ZFYVE26: variants seen among roughly 807,000 people sequenced by gnomAD.
The protein encoded by ZFYVE26 is zinc finger FYVE-type containing 26.
In ZFYVE26, 181 loss-of-function variants were observed where a neutral mutation model predicts 276.5. The ratio of observed to expected loss-of-function variants is 0.65; its 90% CI spans 0.58 to 0.74. The LOEUF (loss-of-function observed/expected upper bound fraction) is 0.74. Among genes scored for constraint, ZFYVE26 ranks in the 30% least tolerant of loss-of-function variants. The probability of loss-of-function intolerance (pLI) is 0.00; values close to 1 mark genes in which losing one functional copy is unlikely to be tolerated. For synonymous variants in ZFYVE26, 1,129 were observed against 1,203.1 expected, an observed-to-expected ratio of 0.94 and a Z score of 1.27; for missense variants, 2,821 against 3,097.9, an observed-to-expected ratio of 0.91 and a Z score of 2.12.
At chr14:67,752,666 C>A in intron 39 of ZFYVE26, 140 bp from the exon 40 acceptor site, 4 of 962,158 alleles carry the variant, frequency 4.2e-6, no homozygotes, top group Admixed American at 4.1e-5. Context: ...ATAAATATAC[C>A]AAACAAAAAG....
chr14:67,749,876 G>C (rs905724673), intron 41 of ZFYVE26, among the ~76,000 whole-genome samples: 4 of 152,184 alleles, frequency 2.6e-5, no homozygotes, highest in Non-Finnish European at 4.4e-5. Flanking sequence ...AAGAGAAGAA[G>C]GGCATTTTGC....
intron 13 of ZFYVE26, 39 bp from the exon 14 acceptor site, chr14:67,793,798 G>C (rs770769590): frequency 1.9e-6 from 3 of 1,612,908 alleles, no homozygotes; most frequent in Admixed American, 3.3e-5. Flanking sequence ...AGAGAAGCAA[G>C]AGGAATTAAG....
At chr14:67,736,331 A>G (rs906496003) in intron 13 of ZFYVE26, among the ~76,000 whole-genome samples, 1 of 152,238 alleles carries the variant, frequency 6.6e-6, no homozygotes, top group African/African-American at 2.4e-5. Flanking sequence ...CGGCTATCAT[A>G]TTCTCATATA....
In ZFYVE26 at chr14:67,761,451, T is replaced by C; in HGVS notation, c.6503A>G (p.His2168Arg). 2 of 1,614,184 alleles carry C rather than the reference T, an allele frequency of 1.2e-6. No homozygotes were observed. Among genetic ancestry groups the C allele is most frequent in the Non-Finnish European group, 1.7e-6 (2 of 1,180,008 alleles). The change falls in exon 35 of 42, where the codon CAC (histidine) becomes CGC (arginine). Residue 2168 changes from histidine (H) to arginine (R), a missense_variant. Coordinates refer to ENST00000347230, the MANE Select transcript of ZFYVE26 (RefSeq NM_015346.4). ...TYYQECLFYL[H>R]NYSTNLAIIS... is the part of the protein sequence containing the mutation. ...GATGGCCAGGTTGGTGCTATAGTTG[T>C]GCAGGTAGAAGAGGCATTCCTGGTA...
At chr14:67,780,417 T>C (rs2039468758) in intron 22 of ZFYVE26, 72 bp from the exon 23 acceptor site, 1 of 1,345,818 alleles carries the variant, frequency 7.4e-7, no homozygotes. Flanking sequence ...ACTGGGCATG[T>C]CCACAGATGG....
rs778806874 is a variant in ZFYVE26 at position 67,794,198 on chromosome 14, T to C, written c.2374A>G (p.Ser792Gly). The stretch of plus-strand genomic sequence containing the variant: ...GACGTACTTGTGCTCAGCTCACTAC[T>C]TGTACTTTCCAGGGATGGGTTTGAA... The part of the protein sequence containing the change: ...RGSNPSLEST[S>G]SELSTSTSEG... Residue 792 changes from serine (S) to glycine (G), a missense_variant, in exon 13 of 42, where the codon AGT becomes GGT. Ser to Gly is a moderately conservative substitution (Grantham distance 56, BLOSUM62 0). Transcript: ENST00000347230. The C allele has an allele frequency of 6.2e-7, 1 of 1,614,232 alleles. No individual in the cohort carries two copies. Among genetic ancestry groups the C allele is most frequent in the Non-Finnish European group, 8.5e-7 (1 of 1,180,036 alleles).
chr14:67,790,786 AGGG>A lies in ZFYVE26; in HGVS notation c.2554-16_2554-14del, dbSNP rs745843519. 425 of 1,613,276 alleles carry A rather than the reference AGGG, an allele frequency of 2.6e-4. 1 individual carries two copies. The highest frequency in any genetic ancestry group is 9.0e-4 in the Admixed American group (54 of 59,990). On this transcript the variant is annotated splice_polypyrimidine_tract_variant and intron_variant, in intron 14 of 41. Coordinates refer to ENST00000347230, the MANE Select transcript of ZFYVE26 (RefSeq NM_015346.4). ...ACGTGAACAGCACCTGTCATAGGAG[AGGG>A]AGTGTGTGGGCCCTGGTGGTCCCAC... is the stretch of plus-strand genomic sequence containing the variant.
chr14:67,761,457 T>C lies in ZFYVE26; in HGVS notation c.6497A>G (p.Tyr2166Cys). ...CAGGTTGGTGCTATAGTTGTGCAGG[T>C]AGAAGAGGCATTCCTGGTAGTAGGT... Reference protein sequence around the residue: ...NNTYYQECLFYLHNYSTNLAI... With the variant: ...NNTYYQECLFCLHNYSTNLAI... Residue 2166 changes from tyrosine (Y) to cysteine (C), a missense_variant, in exon 35 of 42, where the codon TAC becomes TGC. Tyr to Cys is a radical substitution (Grantham distance 194). Coordinates refer to ENST00000347230, the MANE Select transcript of ZFYVE26 (RefSeq NM_015346.4). The C allele has an allele frequency of 6.2e-7, 1 of 1,614,184 alleles. No homozygotes were observed.
At chr14:67,801,036 T>C (rs1439363666) in intron 10 of ZFYVE26, among the ~76,000 whole-genome samples, 1 of 152,134 alleles carries the variant, frequency 6.6e-6, no homozygotes. Context: ...GTGCATCACC[T>C]GACGTCAGGA....
At chr14:67,814,213 C>T (rs934601880) in intron 2 of ZFYVE26, 149 bp from the exon 3 acceptor site, 17 of 718,508 alleles carry the variant, frequency 2.4e-5, no homozygotes, top group Middle Eastern at 7.5e-4. Flanking sequence ...ATGTATATGA[C>T]AGTTCAGTAA....
intron 3 of ZFYVE26, among the ~76,000 whole-genome samples, chr14:67,812,434 G>A (rs2040322371): frequency 6.6e-6 from 1 of 152,182 alleles, no homozygotes; most frequent in Middle Eastern, 3.2e-3. Flanking sequence ...GGCAAAAGGT[G>A]GGAACCTGGA....
intron 13 of ZFYVE26, among the ~76,000 whole-genome samples, chr14:67,741,163 C>T (rs1208220294): frequency 6.6e-6 from 1 of 152,190 alleles, no homozygotes; most frequent in African/African-American, 2.4e-5. Flanking sequence ...GAAGCAGAAG[C>T]ATAATCTGCA....
rs1178032342 is a variant in ZFYVE26 at position 67,781,543 on chromosome 14, A to G, written c.4373-14T>C. ...AACCTTCTTTGTCTATAAGACAAAAAAGATGCTCAGAGGCAGCAAGCGTGG... is the reference window on the plus strand; with the variant it reads ...AACCTTCTTTGTCTATAAGACAAAAGAGATGCTCAGAGGCAGCAAGCGTGG... On this transcript the variant is annotated splice_polypyrimidine_tract_variant and intron_variant, in intron 21 of 41. Coordinates refer to ENST00000347230, the MANE Select transcript of ZFYVE26 (RefSeq NM_015346.4). 7 of 1,613,700 alleles carry G rather than the reference A, an allele frequency of 4.3e-6. No homozygotes were observed. The Admixed American group carries it at 1.0e-4, about 23-fold the overall frequency.
In ZFYVE26 at chr14:67,790,693, TTGGATCACTTCCTGGTAGCGCTCCA is replaced by T. The variant is rs2140234090; in HGVS notation, c.2609_2633del (p.Met870LysfsTer6). Reference sequence around the variant, plus strand: ...TCTTGTGCTCTACTTGGGCCAGTTCTTGGATCACTTCCTGGTAGCGCTCCATGAACATCAGTTCCCCTGAACTGGG... The same window carrying T: ...TCTTGTGCTCTACTTGGGCCAGTTCTTGAACATCAGTTCCCCTGAACTGGG... On this transcript the variant is annotated frameshift_variant, in exon 15 of 42. Coordinates refer to ENST00000347230, the MANE Select transcript of ZFYVE26 (RefSeq NM_015346.4). LOFTEE classifies it high-confidence loss of function. 6.2e-7 allele frequency: 1 copy of T among 1,614,230 alleles called. No individual in the cohort carries two copies. The highest frequency in any genetic ancestry group is 8.5e-7 in the Non-Finnish European group (1 of 1,180,026).
chr14:67,745,929 C>CAA (rs61448179), downstream of ZFYVE26, among the ~76,000 whole-genome samples: 62 of 57,518 alleles, frequency 1.1e-3, 1 homozygote, highest in African/African-American at 3.5e-3. Context: ...GACCCTGTCT[C>CAA]AAAAAAAAAA....
intron 10 of ZFYVE26, among the ~76,000 whole-genome samples, chr14:67,800,569 ACTGT>A (rs2040055985): frequency 6.6e-6 from 1 of 152,174 alleles, no homozygotes; most frequent in African/African-American, 2.4e-5. Flanking sequence ...CCCCTTTCTG[ACTGT>A]CTAACTTTGA....
chr14:67,741,433 G>C (rs1212985478), intron 13 of ZFYVE26, among the ~76,000 whole-genome samples: 1 of 152,134 alleles, frequency 6.6e-6, no homozygotes, highest in Non-Finnish European at 1.5e-5. Context: ...TATTCATGTA[G>C]TTCATATTCA....
At chr14:67,783,573 C>A (rs1403418324) in intron 20 of ZFYVE26, 48 bp from the exon 21 acceptor site, 16 of 1,599,472 alleles carry the variant, frequency 1.0e-5, no homozygotes, top group Non-Finnish European at 1.4e-5. Flanking sequence ...TACACAGGCA[C>A]CATTAACCAG....
chr14:67,752,258 A>G (rs762592686), intron 40 of ZFYVE26, 86 bp downstream of exon 40: 16 of 1,475,818 alleles, frequency 1.1e-5, no homozygotes, highest in Non-Finnish European at 1.4e-5. Context: ...AGTTTCAGGC[A>G]CATTATGGAA....
Sources: gnomAD v4.1 joint callset for allele counts (sites outside exome capture counted in the v4.1 genomes callset) on GRCh38, gnomAD v4.1.1 for gene constraint, MANE v1.5 for transcripts, NCBI Gene and HGNC (gene_info 2026-07-23, HGNC 2026-07-21) for gene names.